The following SH3RF3 variants were observed in gnomAD, a reference collection of about 807,000 sequenced individuals.
SH3RF3 encodes E3 ubiquitin-protein ligase SH3RF3.
SH3RF3 carries 29 observed loss-of-function variants against 66.3 expected under a neutral mutation model. The observed-to-expected ratio is 0.44, with a 90% confidence interval of 0.33 to 0.60. The LOEUF (loss-of-function observed/expected upper bound fraction) is 0.60, where lower values mean the gene tolerates loss of function less well. Ranked by LOEUF, SH3RF3 falls within the 20% of genes least tolerant of loss-of-function variation. SH3RF3 has a pLI of 0.04. For synonymous variants in SH3RF3, 583 were observed against 532.0 expected (o/e 1.10, Z -1.32); for missense variants, 1,194 against 1,190.9 (o/e 1.00, Z -0.04).
At chr2:109,306,138 A>G (rs1270309303) in intron 1 of SH3RF3, among the ~76,000 whole-genome samples, 2 of 152,200 alleles carry the variant, frequency 1.3e-5, no homozygotes, top group Non-Finnish European at 2.9e-5. Flanking sequence ...CAGGAAGCAG[A>G]TAACATTGTC....
At chr2:109,438,092 CGAT>C (rs1677460621) in intron 7 of SH3RF3, among the ~76,000 whole-genome samples, 1 of 152,210 alleles carries the variant, frequency 6.6e-6, no homozygotes, top group Non-Finnish European at 1.5e-5. Flanking sequence ...CTAACGAACA[CGAT>C]GACCCATTAG....
At chr2:109,370,497 C>T (rs1384631694) in intron 2 of SH3RF3, among the ~76,000 whole-genome samples, 3 of 152,120 alleles carry the variant, frequency 2.0e-5, no homozygotes, top group African/African-American at 7.2e-5. Context: ...CCTCGACCTC[C>T]CAAAGTGCTG....
At chr2:109,157,870 C>T (rs1015424014) in intron 1 of SH3RF3, among the ~76,000 whole-genome samples, 2 of 152,090 alleles carry the variant, frequency 1.3e-5, no homozygotes, top group Admixed American at 6.5e-5. Context: ...ACACAGCTCT[C>T]CTAGGAGACC....
In SH3RF3 at chr2:109,170,303, TCTTCTCTTCTCTC is replaced by T. The variant is rs1475722856; in HGVS notation, c.573+40193_573+40205del. Among the ~76,000 whole-genome samples, 59 of 127,560 alleles carry T rather than the reference TCTTCTCTTCTCTC, an allele frequency of 4.6e-4. 2 individuals are homozygous for T. Among genetic ancestry groups the T allele is most frequent in the African/African-American group, 1.6e-3 (54 of 33,664 alleles). 83.7% of individuals were successfully genotyped at this position (127,560 alleles called of 152,430 possible). A position where few individuals can be genotyped will look rare whatever the true frequency, so the allele number is the denominator to read the frequency against. ...TCTTCTCTTCTCTTCTCTTCTCTTC[TCTTCTCTTCTCTC>T]CTCTCTCTCTCTCCTCTCTCTCTCT... On this transcript the variant is annotated intron_variant, in intron 1 of 9. Transcript: ENST00000309415.
intron 8 of SH3RF3, among the ~76,000 whole-genome samples, chr2:109,450,747 G>A (rs1223976105): frequency 6.6e-6 from 1 of 152,214 alleles, no homozygotes; most frequent in Non-Finnish European, 1.5e-5. Context: ...ACTGCCTGAG[G>A]CTGTATCCCT....
chr2:109,381,477 G>T (rs535332115), intron 3 of SH3RF3, among the ~76,000 whole-genome samples: 1 of 152,062 alleles, frequency 6.6e-6, no homozygotes, highest in Non-Finnish European at 1.5e-5. Flanking sequence ...CCTACCCTCC[G>T]CAGGGCATCT....
At chr2:109,319,214 G>A (rs891426) in intron 1 of SH3RF3, among the ~76,000 whole-genome samples, 43,732 of 152,118 alleles carry the variant, frequency 0.29, 6,761 homozygotes, top group East Asian at 0.65. Flanking sequence ...AGTGACAGTG[G>A]CATCGTTTTG....
chr2:109,410,777 T>A (rs747216149), intron 4 of SH3RF3, among the ~76,000 whole-genome samples: 17 of 152,234 alleles, frequency 1.1e-4, no homozygotes, highest in Non-Finnish European at 2.1e-4. Context: ...GTCAGAGCCC[T>A]TTCCTGGGCA....
intron 4 of SH3RF3, among the ~76,000 whole-genome samples, chr2:109,406,365 C>G (rs956571368): frequency 2.0e-5 from 3 of 152,008 alleles, no homozygotes; most frequent in African/African-American, 7.2e-5. Flanking sequence ...AGCAGGTGCC[C>G]GAGGACCCTA....
Position 109,489,944 on chromosome 2 carries a change from G to T in SH3RF3, c.2149-661G>T, listed in dbSNP as rs186869314. Among the ~76,000 whole-genome samples, 472 of 152,280 alleles carry T rather than the reference G, an allele frequency of 3.1e-3. 4 individuals carry two copies. Among genetic ancestry groups the T allele is most frequent in the African/African-American group, 0.011 (455 of 41,572 alleles). On this transcript the variant is annotated intron_variant, in intron 8 of 9. Transcript: ENST00000309415. ...GTAGAGACAGGGTTTCACCATGTTG[G>T]CCAGGCTGGTCTCGAACTCCTGACC...
At chr2:109,491,401 GTCT>G in intron 9 of SH3RF3, among the ~76,000 whole-genome samples, 1 of 152,188 alleles carries the variant, frequency 6.6e-6, no homozygotes, top group Admixed American at 6.5e-5. Context: ...ACGGCTTCAA[GTCT>G]ATATCCCTTG....
At position 109,222,498 on chromosome 2, in the gene SH3RF3, T is replaced by A. The variant is rs28400308; in HGVS notation, c.573+92385T>A. On this transcript the variant is annotated intron_variant, in intron 1 of 9. Transcript: ENST00000309415. ...ATCAGTAAAAGTTCCTCCAAAAAAA[T>A]AAAAAGAGTCCATCCTTCAGCAGAG... Among the ~76,000 whole-genome samples the A allele has an allele frequency of 1.0e-3, 115 of 111,816 alleles. 1 individual carries two copies. The highest frequency in any genetic ancestry group is 6.2e-3 in the African/African-American group (96 of 15,478). The allele number at this position is 111,816 out of a possible 152,430, so 73.4% of individuals were successfully genotyped here. A position where few individuals can be genotyped will look rare whatever the true frequency, so the allele number is the denominator to read the frequency against.
intron 1 of SH3RF3, among the ~76,000 whole-genome samples, chr2:109,225,477 C>T (rs773095105): frequency 6.6e-6 from 1 of 152,224 alleles, no homozygotes; most frequent in Non-Finnish European, 1.5e-5. Context: ...GCCGACTCCC[C>T]ACTGGGGACT....
chr2:109,300,792 G>T (rs1484345518), intron 1 of SH3RF3, among the ~76,000 whole-genome samples: 1 of 152,194 alleles, frequency 6.6e-6, no homozygotes, highest in Non-Finnish European at 1.5e-5. Context: ...TCTCAGAAGT[G>T]AGTGTCATCA....
At chr2:109,235,185 A>G (rs899012084) in intron 1 of SH3RF3, among the ~76,000 whole-genome samples, 5 of 152,106 alleles carry the variant, frequency 3.3e-5, no homozygotes, top group Admixed American at 2.0e-4. Flanking sequence ...GAGCGGGAGG[A>G]ACCTGTCTTC....
At chr2:109,203,171 T>C (rs1431665420) in intron 1 of SH3RF3, among the ~76,000 whole-genome samples, 1 of 138,656 alleles carries the variant, frequency 7.2e-6, no homozygotes, top group Admixed American at 6.8e-5. Flanking sequence ...TTGAGTGACA[T>C]CCTCATTGAG....
At chr2:109,405,548 T>G (rs1676431855) in intron 4 of SH3RF3, among the ~76,000 whole-genome samples, 1 of 152,180 alleles carries the variant, frequency 6.6e-6, no homozygotes, top group Non-Finnish European at 1.5e-5. Flanking sequence ...CTGCCGTAGC[T>G]AATCCCTTCC....
chr2:109,171,387 C>G (rs1403037196), intron 1 of SH3RF3, among the ~76,000 whole-genome samples: 2 of 152,182 alleles, frequency 1.3e-5, no homozygotes, highest in Non-Finnish European at 1.5e-5. Flanking sequence ...TTGTTAGTGA[C>G]TATGAATATT....
intron 9 of SH3RF3, among the ~76,000 whole-genome samples, chr2:109,498,454 CA>C (rs1421857762): frequency 2.6e-5 from 4 of 152,222 alleles, no homozygotes; most frequent in Non-Finnish European, 5.9e-5. Context: ...CCTGTCTGCA[CA>C]TTTTTCCTGA....
Sources: allele counts gnomAD v4.1 joint callset (sites outside exome capture counted in the v4.1 genomes callset), GRCh38; gene constraint gnomAD v4.1.1; transcripts MANE v1.5; gene names NCBI Gene and HGNC (gene_info 2026-07-23, HGNC 2026-07-21).